Variants in DAB1 observed in about 807,000 individuals in gnomAD.
The protein encoded by DAB1 is disabled homolog 1.
DAB1 carries 15 observed loss-of-function variants against 64.6 expected under a neutral mutation model. That is an observed-to-expected ratio of 0.23 (90% CI 0.16 to 0.36). The LOEUF is 0.36. DAB1 is among the 10% of genes least tolerant of loss of function. The probability of loss-of-function intolerance (pLI) is 1.00; values close to 1 mark genes in which losing one functional copy is unlikely to be tolerated. For missense variants in DAB1, 596 were observed against 706.7 expected, an observed-to-expected ratio of 0.84 and a Z score of 1.78; for synonymous variants, 235 against 251.9, an observed-to-expected ratio of 0.93 and a Z score of 0.64.
intron 7 of DAB1, among the ~76,000 whole-genome samples, chr1:57,551,651 A>G (rs942445035): frequency 3.3e-5 from 5 of 152,178 alleles, no homozygotes; most frequent in Admixed American, 6.5e-5. Flanking sequence ...ACATCATTCT[A>G]TATGTAAATG....
chr1:57,909,189 A>G (rs1644603377), intron 5 of DAB1, among the ~76,000 whole-genome samples: 2 of 152,158 alleles, frequency 1.3e-5, no homozygotes, highest in African/African-American at 4.8e-5. Context: ...GTCTTGGTTC[A>G]GGCTCCAGTG....
At chr1:57,617,322 A>T (rs1645801761) in intron 7 of DAB1, among the ~76,000 whole-genome samples, 1 of 152,094 alleles carries the variant, frequency 6.6e-6, no homozygotes, top group African/African-American at 2.4e-5. Context: ...TTCACACTGC[A>T]GTGGCCCAGG....
chr1:57,850,298 T>TAGAA lies in DAB1; in HGVS notation n.88-23844_88-23843insTTCT, dbSNP rs1436952907. Reference sequence around the variant, plus strand: ...AGGATTAATCAGTACCAAAGTGGCTTAGTGCCTTTCTACCTTCACATTAGA... The same window carrying TAGAA: ...AGGATTAATCAGTACCAAAGTGGCTTAGAAAGTGCCTTTCTACCTTCACATTAGA... On this transcript the variant is annotated intron_variant and non_coding_transcript_variant, in intron 1 of 1. Coordinates refer to the DAB1 transcript ENST00000477280. 1.3e-3 allele frequency among the ~76,000 whole-genome samples: 194 copies of TAGAA among 152,318 alleles called. 1 individual carries two copies. The highest frequency in any genetic ancestry group is 4.6e-3 in the African/African-American group (193 of 41,560).
At chr1:57,449,688 TC>T (rs894857684) in intron 7 of DAB1, among the ~76,000 whole-genome samples, 1 of 152,160 alleles carries the variant, frequency 6.6e-6, no homozygotes, top group Non-Finnish European at 1.5e-5. Context: ...CATTTTAATC[TC>T]TTTTTTACCT....
At position 58,025,649 on chromosome 1, in the gene DAB1, G is replaced by GTA. The variant is rs1395128282; in HGVS notation, n.387+124861_387+124862insTA. 7.2e-3 allele frequency among the ~76,000 whole-genome samples: 824 copies of GTA among 114,964 alleles called. 18 individuals are homozygous for GTA. The highest frequency in any genetic ancestry group is 0.027 in the African/African-American group (733 of 27,246). The allele number at this position is 114,964 out of a possible 152,430, so 75.4% of individuals were successfully genotyped here. A position where few individuals can be genotyped will look rare whatever the true frequency, so the allele number is the denominator to read the frequency against. On this transcript the variant is annotated intron_variant and non_coding_transcript_variant, in intron 5 of 20. Coordinates refer to the DAB1 transcript ENST00000485760. Reference sequence around the variant, plus strand: ...TAAATATAATATTATATATATATGTGTGTATATATATATATATATATATAT... The same window carrying GTA: ...TAAATATAATATTATATATATATGTGTATGTATATATATATATATATATATAT...
chr1:57,458,735 A>G (rs369609430), intron 7 of DAB1, among the ~76,000 whole-genome samples: 1 of 152,122 alleles, frequency 6.6e-6, no homozygotes, highest in African/African-American at 2.4e-5. Flanking sequence ...TAAATTATGC[A>G]TTATTCGTGT....
At chr1:57,426,859 A>AATATATATATAGATATATAT (rs1685304023), upstream of DAB1, among the ~76,000 whole-genome samples, 1 of 122,792 alleles carries the variant, frequency 8.1e-6, no homozygotes, top group Non-Finnish European at 1.8e-5. Flanking sequence ...TAAATGAGAT[A>AATATATATATAGATATATAT]ATATATATAT....
intron 2 of DAB1, among the ~76,000 whole-genome samples, chr1:57,189,858 A>C (rs1274872072): frequency 5.3e-5 from 8 of 151,788 alleles, no homozygotes; most frequent in African/African-American, 2.4e-5. Flanking sequence ...AAAAAAAAAA[A>C]AACACAACAG....
intron 1 of DAB1, among the ~76,000 whole-genome samples, chr1:57,305,929 A>C (rs1252872100): frequency 6.7e-6 from 1 of 149,316 alleles, no homozygotes; most frequent in Non-Finnish European, 1.5e-5. Context: ...AGATCGAGCC[A>C]CTGCACTCCA....
chr1:57,860,407 C>T (rs1319062077), intron 1 of DAB1: 1 of 152,042 alleles, frequency 6.6e-6, no homozygotes, highest in East Asian at 1.9e-4. Context: ...TGCCTGACTC[C>T]AAAGCCATTC....
At chr1:57,771,944 T>C (rs897883174) in intron 6 of DAB1, among the ~76,000 whole-genome samples, 5 of 152,168 alleles carry the variant, frequency 3.3e-5, no homozygotes, top group Admixed American at 3.3e-4. Context: ...TTATTTCTTT[T>C]TATTATTGCT....
chr1:58,455,281 T>C (rs1645182686), intron 3 of DAB1, among the ~76,000 whole-genome samples: 2 of 152,252 alleles, frequency 1.3e-5, no homozygotes, highest in East Asian at 3.8e-4. Context: ...GGATGCACAC[T>C]GTAGAGTTGC....
intron 4 of DAB1, among the ~76,000 whole-genome samples, chr1:58,197,806 T>C (rs570285285): frequency 6.6e-6 from 1 of 152,080 alleles, no homozygotes; most frequent in Non-Finnish European, 1.5e-5. Context: ...TATTCCTTAA[T>C]TTCTACTTAC....
At chr1:57,558,497 C>G (rs1233016047) in intron 7 of DAB1, among the ~76,000 whole-genome samples, 1 of 152,066 alleles carries the variant, frequency 6.6e-6, no homozygotes, top group Non-Finnish European at 1.5e-5. Context: ...TTCATATAAA[C>G]AGAAATCTGG....
At chr1:57,046,325 T>A (rs926456137) in intron 9 of DAB1, among the ~76,000 whole-genome samples, 5 of 152,212 alleles carry the variant, frequency 3.3e-5, no homozygotes, top group Non-Finnish European at 7.3e-5. Flanking sequence ...TCTCGCCTCC[T>A]TTCTAAGTCA....
In DAB1 at chr1:57,836,409, G is replaced by A. The variant is rs140015716; in HGVS notation, n.88-9954C>T. On this transcript the variant is annotated intron_variant and non_coding_transcript_variant, in intron 1 of 1. Transcript: ENST00000477280. ...ATAACTTGACTCGAGAATCCCTTGG[G>A]TAAGCCACTCGTCATCCTATCTCCT... 2.1e-3 allele frequency among the ~76,000 whole-genome samples: 323 copies of A among 152,246 alleles called. 1 individual carries two copies. Among genetic ancestry groups the A allele is most frequent in the African/African-American group, 7.5e-3 (311 of 41,564 alleles).
intron 7 of DAB1, among the ~76,000 whole-genome samples, chr1:57,508,510 T>C (rs1482110029): frequency 6.6e-6 from 1 of 152,240 alleles, no homozygotes; most frequent in Non-Finnish European, 1.5e-5. Context: ...ATCCCATGGC[T>C]TGGCAATCTT....
chr1:57,904,213 C>T (rs1250364272), intron 5 of DAB1, among the ~76,000 whole-genome samples: 1 of 152,166 alleles, frequency 6.6e-6, no homozygotes, highest in Non-Finnish European at 1.5e-5. Flanking sequence ...GTATCAGGGA[C>T]GTACCATGCT....
intron 7 of DAB1, among the ~76,000 whole-genome samples, chr1:57,636,538 C>T (rs1288154015): frequency 1.3e-5 from 2 of 152,182 alleles, no homozygotes; most frequent in Non-Finnish European, 2.9e-5. Context: ...TCCAGATGAA[C>T]AGCGATAGTG....
Sources: allele counts gnomAD v4.1 joint callset (sites outside exome capture counted in the v4.1 genomes callset), GRCh38; gene constraint gnomAD v4.1.1; transcripts MANE v1.5; gene names NCBI Gene and HGNC (gene_info 2026-07-23, HGNC 2026-07-21).